SESN3: variants seen among roughly 807,000 people sequenced by gnomAD.
SESN3 encodes the protein sestrin-3.
A neutral mutation model predicts 55.3 loss-of-function variants in SESN3; 21 were observed. The ratio of observed to expected loss-of-function variants is 0.38; its 90% confidence interval spans 0.27 to 0.55. SESN3 has a LOEUF of 0.55. Ranked by LOEUF, SESN3 falls within the 20% of genes least tolerant of loss-of-function variation. The pLI is 0.76. For synonymous variants in SESN3, 181 were observed against 203.1 expected (o/e 0.89, Z 0.93); for missense variants, 408 against 604.3 (o/e 0.68, Z 3.41).
At chr11:95,176,077 G>C (rs1412580605) in intron 8 of SESN3, among the ~76,000 whole-genome samples, 8 of 152,156 alleles carry the variant, frequency 5.3e-5, no homozygotes. Context: ...ACTTGAGGTA[G>C]GAGTCAAGTG....
At chr11:95,180,631 C>G (rs1207522607) in intron 6 of SESN3, among the ~76,000 whole-genome samples, 1 of 152,110 alleles carries the variant, frequency 6.6e-6, no homozygotes, top group Non-Finnish European at 1.5e-5. Context: ...AATAAATTAA[C>G]TGTATCTTAC....
chr11:95,178,875 T>G (rs1565462980), intron 6 of SESN3, 47 bp from the exon 7 acceptor site: 1 of 1,116,116 alleles, frequency 9.0e-7, no homozygotes, highest in Admixed American at 1.8e-5. Context: ...CTGTACGTGG[T>G]TATGACAATA....
chr11:95,198,253 G>C (rs1860399135), intron 1 of SESN3, among the ~76,000 whole-genome samples: 1 of 151,540 alleles, frequency 6.6e-6, no homozygotes, highest in South Asian at 2.1e-4. Context: ...CCATTGTTGG[G>C]AAGCTTTGAG....
intron 1 of SESN3, among the ~76,000 whole-genome samples, chr11:95,212,644 T>C (rs1241742760): frequency 6.6e-6 from 1 of 152,156 alleles, no homozygotes; most frequent in African/African-American, 2.4e-5. Context: ...CAAACTAATA[T>C]TCTGATGAAA....
chr11:95,190,858 A>G (rs1860254845), intron 3 of SESN3, among the ~76,000 whole-genome samples: 1 of 152,002 alleles, frequency 6.6e-6, no homozygotes, highest in Non-Finnish European at 1.5e-5. Flanking sequence ...CGACACACAC[A>G]AAACTTTATA....
Position 95,230,668 on chromosome 11 carries a change from A to C in SESN3, c.78+115T>G. On this transcript the variant is annotated intron_variant, in intron 1 of 9. Transcript: ENST00000536441. This position sits in a 1 kb window ranked among gnomAD's most constrained non-coding sequence, Gnocchi z 4.6. Reference sequence around the variant, plus strand: ...CCCCTTTCTCAGTCCCTGCGGAGGGACGGTGCCCGGGGATCCCTCTCAGCC... The same window carrying C: ...CCCCTTTCTCAGTCCCTGCGGAGGGCCGGTGCCCGGGGATCCCTCTCAGCC... 1 of 698,838 alleles carries C rather than the reference A, an allele frequency of 1.4e-6. No homozygotes were observed. The highest frequency in any genetic ancestry group is 2.4e-6 in the Non-Finnish European group (1 of 416,682). 43.3% of individuals were successfully genotyped at this position (698,838 alleles called of 1,614,324 possible).
chr11:95,185,146 A>C (rs896091650), intron 5 of SESN3, 110 bp downstream of exon 5: 18 of 634,084 alleles, frequency 2.8e-5, no homozygotes, highest in Non-Finnish European at 4.1e-5. Context: ...ATGCAAAAAT[A>C]TTTTAAGTAT....
At chr11:95,202,628 G>A (rs1860479323) in intron 1 of SESN3, among the ~76,000 whole-genome samples, 1 of 152,010 alleles carries the variant, frequency 6.6e-6, no homozygotes, top group Non-Finnish European at 1.5e-5. Flanking sequence ...GAGCTATAGA[G>A]ATACAAAATA....
intron 1 of SESN3, among the ~76,000 whole-genome samples, chr11:95,215,093 G>T (rs1860727322): frequency 6.6e-6 from 1 of 152,090 alleles, no homozygotes; most frequent in South Asian, 2.1e-4. Flanking sequence ...AATGCATGTT[G>T]AAACTGAAGT....
chr11:95,170,007 G>A lies in SESN3; in HGVS notation c.*3248C>T, dbSNP rs985107974. On this transcript the variant is annotated 3_prime_UTR_variant, in exon 10 of 10. Transcript: ENST00000536441. ...AACCATAATTAAAGGCCAAGGCTAT[G>A]CCCCAGATTCCATGTTAGCCATCTT... The A allele has an allele frequency of 2.6e-5, 4 of 152,140 alleles. No individual in the cohort carries two copies. The highest frequency in any genetic ancestry group is 9.7e-5 in the African/African-American group (4 of 41,436). 9.4% of individuals were successfully genotyped at this position (152,140 alleles called of 1,614,324 possible).
rs1017219488 is a variant in SESN3, at chr11:95,231,106, A to T, written c.-246T>A. On this transcript the variant is annotated 5_prime_UTR_variant, in exon 1 of 10. Coordinates refer to ENST00000536441, the MANE Select transcript of SESN3 (RefSeq NM_144665.4). The stretch of plus-strand genomic sequence containing the variant: ...CTGCTCCTCACCGGCCCGTTGTTCC[A>T]CCCGCCCCCATCTTCCAGACCCCCG... 3.0e-6 allele frequency: 1 copy of T among 335,316 alleles called. No individual in the cohort carries two copies. Among genetic ancestry groups the T allele is most frequent in the Non-Finnish European group, 5.3e-6 (1 of 190,458 alleles). 20.8% of individuals were successfully genotyped at this position (335,316 alleles called of 1,614,324 possible). A position where few individuals can be genotyped will look rare whatever the true frequency, so the allele number is the denominator to read the frequency against.
intron 1 of SESN3, among the ~76,000 whole-genome samples, chr11:95,201,875 T>C (rs1161488019): frequency 2.6e-5 from 4 of 152,066 alleles, no homozygotes; most frequent in Admixed American, 1.3e-4. Flanking sequence ...TAAAAGGTAA[T>C]TGGTAGTTTT....
Position 95,167,080 on chromosome 11 carries a change from G to A in SESN3, c.*6175C>T, listed in dbSNP as rs1005559028. ...CTTCCTTATCAGACTTGGGGAGCCAGTTGAAAATGTGTAAAGATATTAATT... is the reference window on the plus strand; with the variant it reads ...CTTCCTTATCAGACTTGGGGAGCCAATTGAAAATGTGTAAAGATATTAATT... On this transcript the variant is annotated 3_prime_UTR_variant, in exon 10 of 10. Transcript: ENST00000536441. The A allele has an allele frequency of 3.3e-5, 5 of 152,160 alleles. No homozygotes were observed. The highest frequency in any genetic ancestry group is 3.3e-4 in the Admixed American group (5 of 15,282). The allele number at this position is 152,160 out of a possible 1,614,324, so 9.4% of individuals were successfully genotyped here.
intron 1 of SESN3, among the ~76,000 whole-genome samples, chr11:95,228,399 G>C (rs1860987302): frequency 6.6e-6 from 1 of 152,264 alleles, no homozygotes; most frequent in Non-Finnish European, 1.5e-5. Context: ...TTATGAATTA[G>C]ACTGAACAAA....
chr11:95,190,572 TAA>T (rs1186900252), intron 3 of SESN3, among the ~76,000 whole-genome samples: 1 of 151,984 alleles, frequency 6.6e-6, no homozygotes. Context: ...ACAAGCATTC[TAA>T]GTCTGCTTTC....
intron 1 of SESN3, among the ~76,000 whole-genome samples, chr11:95,213,363 TA>T (rs1186949292): frequency 2.0e-5 from 3 of 151,842 alleles, no homozygotes; most frequent in African/African-American, 7.3e-5. Flanking sequence ...TATACTGAGA[TA>T]AGATTTAGTC....
intron 7 of SESN3, 45 bp from the exon 8 acceptor site, chr11:95,177,954 T>C: frequency 7.8e-7 from 1 of 1,277,778 alleles, no homozygotes; most frequent in Non-Finnish European, 1.1e-6. Context: ...GCATTTTCCA[T>C]CTAAATTCTA....
At chr11:95,217,789 G>A (rs948787655) in intron 1 of SESN3, among the ~76,000 whole-genome samples, 5 of 151,986 alleles carry the variant, frequency 3.3e-5, no homozygotes, top group Non-Finnish European at 7.4e-5. Context: ...ACCATGGAAC[G>A]CATCATATAC....
intron 3 of SESN3, among the ~76,000 whole-genome samples, chr11:95,190,491 C>G (rs1286550235): frequency 4.0e-5 from 6 of 151,830 alleles, no homozygotes; most frequent in Admixed American, 3.9e-4. Context: ...CTTTTTTCCT[C>G]AGGGCTGCTT....
Sources: gnomAD v4.1 joint callset for allele counts (sites outside exome capture counted in the v4.1 genomes callset) on GRCh38, gnomAD v4.1.1 for gene constraint, Gnocchi (gnomAD v3.1) non-coding constraint, MANE v1.5 for transcripts, NCBI Gene and HGNC (gene_info 2026-07-23, HGNC 2026-07-21) for gene names.